The following KALRN variants were observed in gnomAD, a reference collection of about 807,000 sequenced individuals.
KALRN encodes the protein kalirin RhoGEF kinase, also known as kalirin.
A neutral mutation model predicts 353.7 loss-of-function variants in KALRN; 70 were observed. That is an observed-to-expected ratio of 0.20 (90% confidence interval 0.16 to 0.24). The LOEUF (loss-of-function observed/expected upper bound fraction) is 0.24, where lower values mean the gene tolerates loss of function less well. Ranked by LOEUF, KALRN falls within the 10% of genes least tolerant of loss-of-function variation. The probability of loss-of-function intolerance (pLI) is 1.00; values close to 1 mark genes in which losing one functional copy is unlikely to be tolerated. For synonymous variants in KALRN, 1,391 were observed against 1,434.8 expected, an observed-to-expected ratio of 0.97 and a Z score of 0.69; for missense variants, 2,791 against 3,756.7, an observed-to-expected ratio of 0.74 and a Z score of 6.72.
Position 124,655,680 on chromosome 3 carries a change from T to C in KALRN, c.5862+13T>C, listed in dbSNP as rs775797912. ...CATTGTGGTGGAGGTAAGTAGAGGGTTCCAGGTGGGTCTGTGGTCACCCAA... is the reference window on the plus strand; with the variant it reads ...CATTGTGGTGGAGGTAAGTAGAGGGCTCCAGGTGGGTCTGTGGTCACCCAA... On this transcript the variant is annotated intron_variant, in intron 39 of 59. Transcript: ENST00000682506. The C allele has an allele frequency of 5.0e-6, 8 of 1,611,592 alleles. No individual in the cohort carries two copies. The highest frequency in any genetic ancestry group is 6.8e-6 in the Non-Finnish European group (8 of 1,177,660).
chr3:124,051,721 G>A (rs1245987476), intron 1 of KALRN, among the ~76,000 whole-genome samples: 1 of 152,134 alleles, frequency 6.6e-6, no homozygotes, highest in African/African-American at 2.4e-5. Flanking sequence ...ACAGCGCTAG[G>A]GGCTGTGAGC....
chr3:124,341,353 G>A (rs144397962), intron 9 of KALRN, among the ~76,000 whole-genome samples: 11 of 152,308 alleles, frequency 7.2e-5, no homozygotes, highest in Admixed American at 1.3e-4. Flanking sequence ...CTCTCAAGAC[G>A]AGCAGGGCAG....
intron 10 of KALRN, among the ~76,000 whole-genome samples, chr3:124,356,041 C>G (rs2083366017): frequency 6.6e-6 from 1 of 152,034 alleles, no homozygotes; most frequent in Non-Finnish European, 1.5e-5. Flanking sequence ...CAAATTAATA[C>G]AAATACAAGC....
At position 124,098,595 on chromosome 3, in the gene KALRN, A is replaced by G. The variant is rs181806894; in HGVS notation, c.73+64782A>G. On this transcript the variant is annotated intron_variant, in intron 1 of 59. Transcript: ENST00000682506. ...GGCATTTCTCTATTATCCTCTAACT[A>G]ATTGCCCAGCTTCCATCCCTTCTTA... Among the ~76,000 whole-genome samples the G allele has an allele frequency of 2.8e-4, 42 of 152,172 alleles. No homozygotes were observed. In the East Asian group the frequency reaches 7.7e-3, roughly 28 times the overall value.
chr3:124,645,203 G>A (rs139431190), intron 37 of KALRN, among the ~76,000 whole-genome samples: 2,198 of 151,278 alleles, frequency 0.015, 11 homozygotes, highest in Middle Eastern at 0.034. Context: ...ATTTGTTTAA[G>A]TTCTTTGTAG....
In KALRN at chr3:124,268,811, T is replaced by C. The variant is rs2148922017; in HGVS notation, c.525T>C (p.Asp175=). 1.2e-6 allele frequency: 2 copies of C among 1,614,154 alleles called. No homozygotes were observed. Among genetic ancestry groups the C allele is most frequent in the Admixed American group, 1.7e-5 (1 of 60,020 alleles). Residue 175 remains aspartate, a synonymous_variant, in exon 5 of 60, where the codon GAT becomes GAC. Coordinates refer to ENST00000682506, the MANE Select transcript of KALRN (RefSeq NM_001388419.1). ...VDPSQLTEEF[D]GSLDYNHEEW... is the part of the protein sequence containing the mutation. ...CCTCCCAGCTGACGGAGGAGTTTGATGGCTCCCTGGACTACAACCATGAGG... is the reference window on the plus strand; with the variant it reads ...CCTCCCAGCTGACGGAGGAGTTTGACGGCTCCCTGGACTACAACCATGAGG...
chr3:124,519,385 C>T (rs2066972827), intron 33 of KALRN: 1 of 985,282 alleles, frequency 1.0e-6, no homozygotes. Flanking sequence ...CAACCCCAAA[C>T]ACAGAGTTTC....
rs1394743624 is a variant in KALRN, at chr3:124,434,278, G to A, written c.2830-29G>A. ...CATACCACGCCTGGGTTGTTCCCAC[G>A]GACCTTTCTCTCCTCTCCTTGTGCC... On this transcript the variant is annotated intron_variant, in intron 16 of 59. Coordinates refer to ENST00000682506, the MANE Select transcript of KALRN (RefSeq NM_001388419.1). 3.8e-6 allele frequency: 6 copies of A among 1,598,506 alleles called. No individual in the cohort carries two copies. In the African/African-American group the frequency reaches 4.0e-5, roughly 11 times the overall value.
chr3:124,199,914 G>A (rs1289058139), intron 1 of KALRN, among the ~76,000 whole-genome samples: 1 of 152,180 alleles, frequency 6.6e-6, no homozygotes, highest in Non-Finnish European at 1.5e-5. Context: ...TTTTGATAGA[G>A]CATCCTACCA....
At chr3:124,287,549 C>T (rs2076020334) in intron 5 of KALRN, among the ~76,000 whole-genome samples, 1 of 151,528 alleles carries the variant, frequency 6.6e-6, no homozygotes. Flanking sequence ...ATGGAACTTA[C>T]ACTGTATGCT....
At chr3:124,615,398 A>G (rs1578361676) in intron 34 of KALRN, among the ~76,000 whole-genome samples, 2 of 152,340 alleles carry the variant, frequency 1.3e-5, no homozygotes, top group South Asian at 4.1e-4. Context: ...AAAAAACAGG[A>G]TATCACTGTT....
intron 34 of KALRN, among the ~76,000 whole-genome samples, chr3:124,617,385 C>G (rs1392519349): frequency 6.6e-6 from 1 of 152,168 alleles, no homozygotes; most frequent in Non-Finnish European, 1.5e-5. Flanking sequence ...GAGGAGACCT[C>G]CTCTCAAGGA....
chr3:124,247,111 A>G (rs1041336946), intron 3 of KALRN, among the ~76,000 whole-genome samples: 7 of 152,156 alleles, frequency 4.6e-5, no homozygotes, highest in Non-Finnish European at 7.3e-5. Context: ...CGGACACTCT[A>G]TGTTACGACA....
chr3:124,575,680 C>A (rs1274816457), intron 34 of KALRN, among the ~76,000 whole-genome samples: 1 of 152,146 alleles, frequency 6.6e-6, no homozygotes, highest in African/African-American at 2.4e-5. Flanking sequence ...TTGCCTCTTC[C>A]AGCTTCCAGA....
At chr3:124,233,405 C>T (rs747123747) in intron 2 of KALRN, among the ~76,000 whole-genome samples, 8 of 152,130 alleles carry the variant, frequency 5.3e-5, no homozygotes, top group Non-Finnish European at 8.8e-5. Flanking sequence ...GTGGTTATCA[C>T]GTCAAAGAAC....
intron 1 of KALRN, among the ~76,000 whole-genome samples, chr3:124,113,076 T>A (rs933107019): frequency 2.1e-4 from 32 of 152,264 alleles, no homozygotes; most frequent in African/African-American, 6.7e-4. Flanking sequence ...TTTGTTTAGC[T>A]GATTGGCTTG....
rs576372085 is a variant in KALRN at position 124,604,047 on chromosome 3, T to C, written c.5183-28373T>C. The stretch of plus-strand genomic sequence containing the variant: ...TTGGATTCTATCACCGAGAGATCCC[T>C]TCTCTGAAACAGTTGGGGTGAAACA... On this transcript the variant is annotated intron_variant, in intron 34 of 59. Coordinates refer to ENST00000682506, the MANE Select transcript of KALRN (RefSeq NM_001388419.1). Among the ~76,000 whole-genome samples the C allele has an allele frequency of 3.9e-5, 6 of 152,212 alleles. No individual in the cohort carries two copies. In the East Asian group the frequency reaches 1.2e-3, roughly 29 times the overall value.
intron 33 of KALRN, among the ~76,000 whole-genome samples, chr3:124,538,660 G>A (rs146756700): frequency 8.5e-4 from 130 of 152,260 alleles, no homozygotes; most frequent in African/African-American, 3.1e-3. Context: ...GGAGATTTAA[G>A]CAGAATACCT....
chr3:124,385,540 A>C (rs907044350), intron 11 of KALRN, among the ~76,000 whole-genome samples: 14 of 152,016 alleles, frequency 9.2e-5, no homozygotes, highest in African/African-American at 3.4e-4. Flanking sequence ...CTTCTTAATG[A>C]GGTCTGTGGC....
Sources: allele counts gnomAD v4.1 joint callset (sites outside exome capture counted in the v4.1 genomes callset), GRCh38; gene constraint gnomAD v4.1.1; transcripts MANE v1.5; gene names NCBI Gene and HGNC (gene_info 2026-07-23, HGNC 2026-07-21).